The following ZNF107 variants were observed in gnomAD, a reference collection of about 807,000 sequenced individuals.
The protein encoded by ZNF107 is C2H2 type zinc-finger protein.
A neutral mutation model predicts 12.3 loss-of-function variants in ZNF107; 19 were observed. The observed-to-expected ratio is 1.55, with a 90% CI of 1.08 to 2.27. The LOEUF (loss-of-function observed/expected upper bound fraction) is 2.27. Among genes scored for constraint, ZNF107 ranks in the 30% most tolerant of loss-of-function variants. The pLI, the probability that ZNF107 is intolerant of heterozygous loss-of-function variation, is 0.00. For missense variants in ZNF107, 958 were observed against 979.9 expected, an observed-to-expected ratio of 0.98 and a Z score of 0.30; for synonymous variants, 317 against 330.5, an observed-to-expected ratio of 0.96 and a Z score of 0.44.
In ZNF107 at chr7:64,708,639, G is replaced by GA. The variant is rs375319415; in HGVS notation, c.2543dup (p.Tyr849ValfsTer54). ...TACTGGAGAGAAACCCTACAAATGT[G>GA]AGTATGGCAAAACTTAATTGATCCT... On this transcript the variant is annotated frameshift_variant, in exon 4 of 4. Transcript: ENST00000620827. LOFTEE classifies it high-confidence loss of function. The GA allele has an allele frequency of 0.02, 31,355 of 1,590,512 alleles. 3,488 individuals are homozygous for GA. The African/African-American group carries it at 0.28, about 14-fold the overall frequency.
In ZNF107 at chr7:64,708,287, G is replaced by T. The variant is rs1562849011; in HGVS notation, c.2190G>T (p.Glu730Asp). 2 of 1,613,560 alleles carry T rather than the reference G, an allele frequency of 1.2e-6. No homozygotes were observed. Among genetic ancestry groups the T allele is most frequent in the Non-Finnish European group, 1.7e-6 (2 of 1,179,788 alleles). Residue 730 changes from glutamate to aspartate, a missense_variant, in exon 4 of 4, where the codon GAG becomes GAT. Transcript: ENST00000620827. ...LNRHKIIHTGEKPYKCKECGK... is the reference protein window; with the variant it reads ...LNRHKIIHTGDKPYKCKECGK... ...GACATAAGATAATTCATACTGGAGA[G>T]AAACCTTACAAATGTAAAGAATGTG... is the stretch of plus-strand genomic sequence containing the variant.
intron 3 of ZNF107, among the ~76,000 whole-genome samples, chr7:64,700,823 A>T (rs1205412390): frequency 2.6e-5 from 4 of 151,826 alleles, no homozygotes; most frequent in Non-Finnish European, 5.9e-5. Context: ...TACAGGCGTG[A>T]GCCACCATGC....
intron 1 of ZNF107, among the ~76,000 whole-genome samples, chr7:64,673,569 G>C (rs1789313339): frequency 6.6e-6 from 1 of 152,172 alleles, no homozygotes; most frequent in Admixed American, 6.5e-5. Flanking sequence ...GAAATAGCTA[G>C]TTTAATTACA....
At chr7:64,671,922 C>T (rs1403536620) in intron 1 of ZNF107, among the ~76,000 whole-genome samples, 1 of 151,764 alleles carries the variant, frequency 6.6e-6, no homozygotes, top group Non-Finnish European at 1.5e-5. Context: ...GCTGGGACTA[C>T]AGGTGCCCGC....
At chr7:64,675,103 AT>A (rs1248995159) in intron 1 of ZNF107, among the ~76,000 whole-genome samples, 2 of 152,164 alleles carry the variant, frequency 1.3e-5, no homozygotes, top group Admixed American at 6.5e-5. Flanking sequence ...TTGGTATCAT[AT>A]GATACTGTTC....
At chr7:64,687,069 A>G (rs1427063354) in intron 1 of ZNF107, 1 of 985,270 alleles carries the variant, frequency 1.0e-6, no homozygotes, top group African/African-American at 1.7e-5. Context: ...TTGTTCAATC[A>G]TATCTAATCT....
chr7:64,700,505 C>CTTTT (rs1562841654), intron 3 of ZNF107, among the ~76,000 whole-genome samples: 1 of 93,228 alleles, frequency 1.1e-5, no homozygotes. Flanking sequence ...GCCAAATAAA[C>CTTTT]CTTTTTTTTT....
intron 3 of ZNF107, among the ~76,000 whole-genome samples, chr7:64,702,986 T>G (rs1325726062): frequency 6.6e-6 from 1 of 152,254 alleles, no homozygotes; most frequent in Non-Finnish European, 1.5e-5. Context: ...TTTTATGTCT[T>G]CAAGTAACCT....
chr7:64,706,852 C>CT lies in ZNF107; in HGVS notation c.756dup (p.Glu253Ter). 6.2e-7 allele frequency: 1 copy of CT among 1,613,542 alleles called. No individual in the cohort carries two copies. The highest frequency in any genetic ancestry group is 8.5e-7 in the Non-Finnish European group (1 of 1,179,762). On this transcript the variant is annotated frameshift_variant, in exon 4 of 4. Coordinates refer to ENST00000620827, the MANE Select transcript of ZNF107 (RefSeq NM_001282359.2). LOFTEE classifies it low-confidence loss of function (END_TRUNC). ...CTTACTAGGCATAAGATAATTCATA[C>CT]TGAAGAGAAACCCAACAAATGTGAA...
At position 64,709,800 on chromosome 7, in the gene ZNF107, A is replaced by G. The variant is rs998279040; in HGVS notation, c.*1144A>G. On this transcript the variant is annotated 3_prime_UTR_variant, in exon 4 of 4. Transcript: ENST00000620827. ...AGCATTATAAATGCAATTTTTGTCA[A>G]GAGATCTTTCAGAAAATATAAGCCT... 1.5e-4 allele frequency: 66 copies of G among 448,862 alleles called. 1 individual carries two copies. The Admixed American group carries it at 1.6e-3, about 11-fold the overall frequency. The allele number at this position is 448,862 out of a possible 1,614,324, so 27.8% of individuals were successfully genotyped here.
At chr7:64,690,882 C>T (rs1790094424) in intron 1 of ZNF107, among the ~76,000 whole-genome samples, 1 of 152,136 alleles carries the variant, frequency 6.6e-6, no homozygotes, top group African/African-American at 2.4e-5. Context: ...ACTGGGATTA[C>T]AGACATGTGC....
At chr7:64,686,493 G>A (rs1030675599) in intron 1 of ZNF107, 3 of 985,020 alleles carry the variant, frequency 3.0e-6, no homozygotes, top group Non-Finnish European at 2.4e-6. Flanking sequence ...CCCAAGTCCC[G>A]CTCGAAGAAT....
Position 64,703,490 on chromosome 7 carries a change from T to C in ZNF107, c.227-2834T>C, listed in dbSNP as rs143880165. On this transcript the variant is annotated intron_variant, in intron 3 of 3. Transcript: ENST00000620827. ...TAATTTGAAGGCTAAAGTGCAGTGG[T>C]ATGATCTCAGCTCACTGTAACCTCC... Among the ~76,000 whole-genome samples, 825 of 152,300 alleles carry C rather than the reference T, an allele frequency of 5.4e-3. 11 individuals carry two copies. The highest frequency in any genetic ancestry group is 0.019 in the African/African-American group (780 of 41,564).
rs1562850922 is a variant in ZNF107 at position 64,709,728 on chromosome 7, T to TA, written c.*1073dup. 3 of 455,938 alleles carry TA rather than the reference T, an allele frequency of 6.6e-6. No homozygotes were observed. The allele number at this position is 455,938 out of a possible 1,614,324, so 28.2% of individuals were successfully genotyped here. A position where few individuals can be genotyped will look rare whatever the true frequency, so the allele number is the denominator to read the frequency against. ...ACAAGGAATGTGGAAAAGCCATTAT[T>TA]ATCTGCTCAGATTTTACTCAACATT... On this transcript the variant is annotated 3_prime_UTR_variant, in exon 4 of 4. Coordinates refer to ENST00000620827, the MANE Select transcript of ZNF107 (RefSeq NM_001282359.2).
At position 64,711,442 on chromosome 7, in the gene ZNF107, A is replaced by C. The variant is rs1185202861; in HGVS notation, c.*2786A>C. 1 of 152,230 alleles carries C rather than the reference A, an allele frequency of 6.6e-6. No individual in the cohort carries two copies. Among genetic ancestry groups the C allele is most frequent in the East Asian group, 1.9e-4 (1 of 5,194 alleles). The allele number at this position is 152,230 out of a possible 1,614,324, so 9.4% of individuals were successfully genotyped here. ...TCCAGCATTTCTCCTTTGTATTACA[A>C]ACCAATTCTGCACTTTTAGATACTT... On this transcript the variant is annotated 3_prime_UTR_variant, in exon 4 of 4. Transcript: ENST00000620827.
At position 64,691,914 on chromosome 7, in the gene ZNF107, A is replaced by AG. The variant is rs1790131421; in HGVS notation, c.181dup (p.Glu61GlyfsTer9). The AG allele has an allele frequency of 1.3e-6, 2 of 1,529,388 alleles. No individual in the cohort carries two copies. Among genetic ancestry groups the AG allele is most frequent in the Non-Finnish European group, 8.7e-7 (1 of 1,143,228 alleles). The allele number at this position is 1,529,388 out of a possible 1,614,324, so 94.7% of individuals were successfully genotyped here. ...TGATCACCTGTCTGGAGCAAAAAAA[A>AG]GAGCCCTGGAATATAAAAAGACATG... On this transcript the variant is annotated frameshift_variant, in exon 3 of 4. Transcript: ENST00000620827. LOFTEE classifies it low-confidence loss of function (END_TRUNC).
chr7:64,666,316 A>G, intron 1 of ZNF107, 31 bp downstream of exon 1: 3 of 1,606,912 alleles, frequency 1.9e-6, no homozygotes, highest in Non-Finnish European at 2.6e-6. Context: ...ATCCCGAGAG[A>G]GGGGGAGGGG....
intron 1 of ZNF107, among the ~76,000 whole-genome samples, chr7:64,671,119 T>C (rs1346841830): frequency 6.6e-6 from 1 of 152,090 alleles, no homozygotes; most frequent in East Asian, 1.9e-4. Flanking sequence ...AGTGGAACTC[T>C]GGGTGTCTGG....
chr7:64,669,541 C>G (rs2128955327), intron 1 of ZNF107, among the ~76,000 whole-genome samples: 1 of 152,256 alleles, frequency 6.6e-6, no homozygotes, highest in South Asian at 2.1e-4. Flanking sequence ...CGCCTGTAAT[C>G]CCAGCACTTT....
Sources: gnomAD v4.1 joint callset for allele counts (sites outside exome capture counted in the v4.1 genomes callset) on GRCh38, gnomAD v4.1.1 for gene constraint, MANE v1.5 for transcripts, NCBI Gene and HGNC (gene_info 2026-07-23, HGNC 2026-07-21) for gene names.